Variants in RAB20 observed in about 807,000 individuals in gnomAD.
RAB20 encodes the protein RAB20, member RAS oncogene family, also known as ras-related protein Rab-20.
Under a neutral mutation model 3.7 loss-of-function variants are expected in RAB20, and 2 were observed. The ratio of observed to expected loss-of-function variants is 0.54; its 90% confidence interval spans 0.22 to 1.69. The LOEUF (loss-of-function observed/expected upper bound fraction) is 1.69, where lower values mean the gene tolerates loss of function less well. RAB20 is among the 40% of genes most tolerant of loss of function. The pLI, the probability that RAB20 is intolerant of heterozygous loss-of-function variation, is 0.19. For missense variants in RAB20, 276 were observed against 311.9 expected, an observed-to-expected ratio of 0.88 and a Z score of 0.87; for synonymous variants, 126 against 130.8, an observed-to-expected ratio of 0.96 and a Z score of 0.25.
chr13:110,528,686 C>T (rs2139574498), intron 1 of RAB20, among the ~76,000 whole-genome samples: 1 of 152,204 alleles, frequency 6.6e-6, no homozygotes, highest in Admixed American at 6.5e-5. Flanking sequence ...AAGGGAGAAC[C>T]GTGTTGATGC....
chr13:110,531,932 T>A (rs1001140763), intron 1 of RAB20, among the ~76,000 whole-genome samples: 9 of 152,194 alleles, frequency 5.9e-5, no homozygotes, highest in African/African-American at 2.2e-4. Flanking sequence ...TGATTCACTG[T>A]TGCGGAACCA....
At chr13:110,561,259 T>G in intron 1 of RAB20, 89 bp downstream of exon 1, 1 of 1,419,156 alleles carries the variant, frequency 7.0e-7, no homozygotes, top group Non-Finnish European at 9.2e-7. Flanking sequence ...CGGGACCCTG[T>G]GCGCGGCCGG....
At chr13:110,558,423 A>G (rs975071027) in intron 1 of RAB20, among the ~76,000 whole-genome samples, 14 of 124,112 alleles carry the variant, frequency 1.1e-4, no homozygotes, top group African/African-American at 4.3e-4. Flanking sequence ...TACTCTTGTC[A>G]CCCAGGCTGG....
At chr13:110,542,804 T>C (rs1686634280) in intron 1 of RAB20, among the ~76,000 whole-genome samples, 1 of 152,222 alleles carries the variant, frequency 6.6e-6, no homozygotes, top group Non-Finnish European at 1.5e-5. Flanking sequence ...TTTCCTTTCT[T>C]CTAGACAGAT....
At chr13:110,536,173 G>A (rs9559840) in intron 1 of RAB20, among the ~76,000 whole-genome samples, 34,580 of 152,204 alleles carry the variant, frequency 0.23, 4,101 homozygotes, top group East Asian at 0.38. Context: ...AGGCAAGGAC[G>A]GCCAGCACCA....
chr13:110,536,381 C>T (rs7339017), intron 1 of RAB20, among the ~76,000 whole-genome samples: 50,664 of 152,064 alleles, frequency 0.33, 9,293 homozygotes, highest in African/African-American at 0.49. Flanking sequence ...GGATGGCCTC[C>T]CCCTAGACAG....
Position 110,523,172 on chromosome 13 carries a change from T to A in RAB20, c.*493A>T. 1 of 399,872 alleles carries A rather than the reference T, an allele frequency of 2.5e-6. No homozygotes were observed. Among genetic ancestry groups the A allele is most frequent in the Non-Finnish European group, 4.4e-6 (1 of 227,562 alleles). 24.8% of individuals were successfully genotyped at this position (399,872 alleles called of 1,614,324 possible). A position where few individuals can be genotyped will look rare whatever the true frequency, so the allele number is the denominator to read the frequency against. ...TTTGTATAAATGAACACGTCGAGAGTCAGGATTATAAAGCATCAAGATACA... is the reference window on the plus strand; with the variant it reads ...TTTGTATAAATGAACACGTCGAGAGACAGGATTATAAAGCATCAAGATACA... On this transcript the variant is annotated 3_prime_UTR_variant, in exon 2 of 2. Transcript: ENST00000267328.
intron 1 of RAB20, among the ~76,000 whole-genome samples, chr13:110,543,137 T>A (rs1013673701): frequency 2.0e-5 from 3 of 152,198 alleles, no homozygotes; most frequent in African/African-American, 4.8e-5. Flanking sequence ...CATTTTATTT[T>A]TTTTTATTTT....
rs1294867646 is a variant in RAB20 at position 110,558,705 on chromosome 13, T to G, written c.172+2643A>C. ...CTGTCTTCCCATCTGTTTTTTTTTTTTTTTTTTTTTTTGAGACAGAGTCTC... is the reference window on the plus strand; with the variant it reads ...CTGTCTTCCCATCTGTTTTTTTTTTGTTTTTTTTTTTTGAGACAGAGTCTC... On this transcript the variant is annotated intron_variant, in intron 1 of 1. Coordinates refer to ENST00000267328, the MANE Select transcript of RAB20 (RefSeq NM_017817.3). Among the ~76,000 whole-genome samples the G allele has an allele frequency of 5.0e-3, 687 of 136,768 alleles. 7 individuals are homozygous for G. The highest frequency in any genetic ancestry group is 0.018 in the African/African-American group (653 of 36,184). 89.7% of individuals were successfully genotyped at this position (136,768 alleles called of 152,430 possible). A position where few individuals can be genotyped will look rare whatever the true frequency, so the allele number is the denominator to read the frequency against.
chr13:110,533,034 CT>C (rs145679219), intron 1 of RAB20, among the ~76,000 whole-genome samples: 2,735 of 152,320 alleles, frequency 0.018, 49 homozygotes, highest in Middle Eastern at 0.044. Context: ...GGACAGCCCC[CT>C]GGCAGGGAGC....
intron 1 of RAB20, among the ~76,000 whole-genome samples, chr13:110,546,675 T>TG (rs1189932662): frequency 6.6e-6 from 1 of 151,584 alleles, no homozygotes; most frequent in East Asian, 1.9e-4. Flanking sequence ...CTGGAGCATC[T>TG]GTGAACAGTA....
At chr13:110,558,748 G>A (rs1380989588) in intron 1 of RAB20, among the ~76,000 whole-genome samples, 1 of 135,576 alleles carries the variant, frequency 7.4e-6, no homozygotes, top group Non-Finnish European at 1.5e-5. Flanking sequence ...CACCGGGTTG[G>A]AGTGCAGTGG....
intron 1 of RAB20, among the ~76,000 whole-genome samples, chr13:110,553,769 C>A (rs371869007): frequency 1.8e-4 from 28 of 152,286 alleles, no homozygotes; most frequent in African/African-American, 6.5e-4. Flanking sequence ...CACTCAGAAG[C>A]CTCTCCCGAC....
intron 1 of RAB20, among the ~76,000 whole-genome samples, chr13:110,536,480 T>C (rs558170590): frequency 1.3e-5 from 2 of 152,194 alleles, no homozygotes; most frequent in East Asian, 3.9e-4. Flanking sequence ...TTCCGTTGCC[T>C]CCCCACTTCC....
chr13:110,558,882 G>A (rs1885085976), intron 1 of RAB20, among the ~76,000 whole-genome samples: 1 of 151,520 alleles, frequency 6.6e-6, no homozygotes, highest in Non-Finnish European at 1.5e-5. Flanking sequence ...ATGTTTAGTA[G>A]AGATGGGGTT....
At chr13:110,527,894 T>A (rs1310589191) in intron 1 of RAB20, among the ~76,000 whole-genome samples, 1 of 124,446 alleles carries the variant, frequency 8.0e-6, no homozygotes, top group Non-Finnish European at 1.7e-5. Context: ...CTCCTATCTC[T>A]ACAAATACAC....
intron 1 of RAB20, among the ~76,000 whole-genome samples, chr13:110,560,978 A>T (rs1415162179): frequency 1.3e-5 from 2 of 152,198 alleles, no homozygotes; most frequent in Non-Finnish European, 2.9e-5. Context: ...CCCTCAAGTG[A>T]ATCTCAAAGG....
rs1259105805 is a variant in RAB20, at chr13:110,561,222, G to A, written c.172+126C>T. 24 of 1,241,478 alleles carry A rather than the reference G, an allele frequency of 1.9e-5. No individual in the cohort carries two copies. The East Asian group carries it at 6.0e-4, about 31-fold the overall frequency. 76.9% of individuals were successfully genotyped at this position (1,241,478 alleles called of 1,614,324 possible). A position where few individuals can be genotyped will look rare whatever the true frequency, so the allele number is the denominator to read the frequency against. ...CAAGGGAGGACGAGTGGGAAACCCC[G>A]AGAAGGAGGCATTTGCTGTCCGAGG... On this transcript the variant is annotated intron_variant, in intron 1 of 1. Transcript: ENST00000267328.
intron 1 of RAB20, among the ~76,000 whole-genome samples, chr13:110,534,093 T>C (rs1190058795): frequency 6.6e-6 from 1 of 151,976 alleles, no homozygotes; most frequent in Non-Finnish European, 1.5e-5. Context: ...TGGGAAGGTG[T>C]TTTTTAGGTG....
Sources: allele counts gnomAD v4.1 joint callset (sites outside exome capture counted in the v4.1 genomes callset), GRCh38; gene constraint gnomAD v4.1.1; transcripts MANE v1.5; gene names NCBI Gene and HGNC (gene_info 2026-07-23, HGNC 2026-07-21).